DAB1: variants seen among roughly 807,000 people sequenced by gnomAD.
DAB1 encodes the protein DAB adaptor protein 1, also known as disabled homolog 1.
In DAB1, 15 loss-of-function variants were observed where a neutral mutation model predicts 64.6. That is an observed-to-expected ratio of 0.23 (90% CI 0.16 to 0.36). DAB1 has a LOEUF of 0.36. Among genes scored for constraint, DAB1 ranks in the 10% least tolerant of loss-of-function variants. DAB1 has a pLI of 1.00. For synonymous variants in DAB1, 235 were observed against 251.9 expected (o/e 0.93, Z 0.64); for missense variants, 596 against 706.7 (o/e 0.84, Z 1.78).
At chr1:58,412,653 A>G (rs1644682832) in intron 3 of DAB1, among the ~76,000 whole-genome samples, 1 of 152,240 alleles carries the variant, frequency 6.6e-6, no homozygotes, top group Non-Finnish European at 1.5e-5. Flanking sequence ...AACTCTTTGT[A>G]AGAAGCACTG....
intron 5 of DAB1, among the ~76,000 whole-genome samples, chr1:58,125,919 T>TA (rs934268725): frequency 6.6e-6 from 1 of 151,972 alleles, no homozygotes; most frequent in Non-Finnish European, 1.5e-5. Flanking sequence ...AGGGGGTCAG[T>TA]AAACAACCTA....
chr1:57,173,440 T>C (rs912589717), intron 2 of DAB1, among the ~76,000 whole-genome samples: 6 of 152,176 alleles, frequency 3.9e-5, no homozygotes, highest in South Asian at 2.1e-4. Flanking sequence ...CCTCAGGCTA[T>C]GTGTGTAAGT....
chr1:57,476,488 T>C (rs1643940683), intron 7 of DAB1, among the ~76,000 whole-genome samples: 1 of 152,148 alleles, frequency 6.6e-6, no homozygotes, highest in Non-Finnish European at 1.5e-5. Context: ...AAGAGGCCAA[T>C]AGGAACAATG....
upstream of DAB1, among the ~76,000 whole-genome samples, chr1:57,426,822 C>T (rs1685302398): frequency 1.3e-5 from 2 of 151,572 alleles, no homozygotes; most frequent in Admixed American, 6.6e-5. Context: ...GTGGATAACA[C>T]TTGCTTCTTG....
At chr1:57,836,306 C>A (rs1652805475) in intron 1 of DAB1, among the ~76,000 whole-genome samples, 2 of 152,326 alleles carry the variant, frequency 1.3e-5, no homozygotes, top group Admixed American at 6.5e-5. Context: ...GACTGTTGGT[C>A]TGAAGTGTTC....
intron 2 of DAB1, among the ~76,000 whole-genome samples, chr1:57,253,624 A>G (rs778798003): frequency 6.6e-6 from 1 of 152,196 alleles, no homozygotes; most frequent in African/African-American, 2.4e-5. Context: ...TAAAACAACT[A>G]AAACACCCTT....
At chr1:58,407,308 T>A (rs1451535427) in intron 3 of DAB1, among the ~76,000 whole-genome samples, 1 of 152,302 alleles carries the variant, frequency 6.6e-6, no homozygotes, top group Admixed American at 6.5e-5. Flanking sequence ...CCCTTTTCTA[T>A]CTCTACTAGA....
At chr1:57,823,493 T>A (rs1652213975), downstream of DAB1, among the ~76,000 whole-genome samples, 1 of 151,940 alleles carries the variant, frequency 6.6e-6, no homozygotes, top group African/African-American at 2.4e-5. Context: ...ACGAAGCAGG[T>A]TATGCATCTG....
chr1:57,280,098 CCCTTTA>C (rs2100624315), intron 2 of DAB1, among the ~76,000 whole-genome samples: 1 of 152,270 alleles, frequency 6.6e-6, no homozygotes, highest in East Asian at 1.9e-4. Flanking sequence ...GTAAATGGGT[CCCTTTA>C]CCTGTGTGAC....
At chr1:57,034,234 C>A (rs1053332746) in intron 9 of DAB1, among the ~76,000 whole-genome samples, 7 of 148,822 alleles carry the variant, frequency 4.7e-5, no homozygotes, top group Non-Finnish European at 7.4e-5. Context: ...GAGCCGAGAT[C>A]GTGCCACTGC....
At chr1:57,462,922 T>C (rs1035097393) in intron 7 of DAB1, among the ~76,000 whole-genome samples, 1 of 152,130 alleles carries the variant, frequency 6.6e-6, no homozygotes, top group African/African-American at 2.4e-5. Context: ...CAAGGAAGGC[T>C]CTTTGAAGGA....
chr1:57,030,683 A>G (rs760619259), intron 9 of DAB1, among the ~76,000 whole-genome samples: 19 of 152,196 alleles, frequency 1.2e-4, no homozygotes, highest in Non-Finnish European at 1.9e-4. Context: ...GCTGATGGGA[A>G]TGAGGTGGAC....
intron 4 of DAB1, among the ~76,000 whole-genome samples, chr1:57,125,373 A>G (rs1283703855): frequency 6.6e-6 from 1 of 152,216 alleles, no homozygotes; most frequent in Non-Finnish European, 1.5e-5. Flanking sequence ...ACACTGTAAT[A>G]TTAGTGTAGT....
At chr1:57,717,840 T>C (rs924573153) in intron 6 of DAB1, among the ~76,000 whole-genome samples, 2 of 152,116 alleles carry the variant, frequency 1.3e-5, no homozygotes, top group African/African-American at 4.8e-5. Flanking sequence ...GAGGACATTA[T>C]GTTAGGTTAT....
intron 1 of DAB1, among the ~76,000 whole-genome samples, chr1:57,331,091 A>C (rs1676626709): frequency 6.6e-6 from 1 of 152,192 alleles, no homozygotes; most frequent in Non-Finnish European, 1.5e-5. Context: ...TAACATTGTA[A>C]ATTAGGAATA....
At chr1:57,560,938 A>G (rs181163903) in intron 7 of DAB1, among the ~76,000 whole-genome samples, 66 of 152,236 alleles carry the variant, frequency 4.3e-4, no homozygotes, top group Non-Finnish European at 8.5e-4. Context: ...TCAAATTACC[A>G]TGTTACCTAA....
chr1:57,902,572 G>A (rs540403934), intron 5 of DAB1, among the ~76,000 whole-genome samples: 45 of 152,172 alleles, frequency 3.0e-4, no homozygotes, highest in African/African-American at 1.0e-3. Context: ...GTCATTTCTT[G>A]TTAGCTTTTA....
intron 5 of DAB1, among the ~76,000 whole-genome samples, chr1:58,002,665 G>T (rs1039490571): frequency 6.6e-6 from 1 of 151,966 alleles, no homozygotes; most frequent in Non-Finnish European, 1.5e-5. Context: ...TTAACACAAG[G>T]TGTATATATA....
intron 4 of DAB1, among the ~76,000 whole-genome samples, chr1:58,186,117 G>A (rs1375528519): frequency 6.6e-6 from 1 of 152,178 alleles, no homozygotes; most frequent in Non-Finnish European, 1.5e-5. Context: ...GGCCACCCAG[G>A]GAGAGCAAAT....
Sources: gnomAD v4.1 joint callset for allele counts (sites outside exome capture counted in the v4.1 genomes callset) on GRCh38, gnomAD v4.1.1 for gene constraint, MANE v1.5 for transcripts, NCBI Gene and HGNC (gene_info 2026-07-23, HGNC 2026-07-21) for gene names.